ANKMY1: variants seen among roughly 807,000 people sequenced by gnomAD.
ANKMY1 encodes the protein ankyrin repeat and MYND domain containing 1.
ANKMY1 carries 98 observed loss-of-function variants against 102.0 expected under a neutral mutation model. That is an observed-to-expected ratio of 0.96 (90% CI 0.82 to 1.14). The LOEUF (loss-of-function observed/expected upper bound fraction) is 1.14. Among genes scored for constraint, ANKMY1 ranks in the 50% most tolerant of loss-of-function variants. ANKMY1 has a pLI of 0.00. For synonymous variants in ANKMY1, 582 were observed against 559.9 expected, an observed-to-expected ratio of 1.04 and a Z score of -0.56; for missense variants, 1,330 against 1,347.6, an observed-to-expected ratio of 0.99 and a Z score of 0.20.
chr2:240,536,074 T>C (rs1162715724), intron 4 of ANKMY1, among the ~76,000 whole-genome samples: 1 of 152,148 alleles, frequency 6.6e-6, no homozygotes, highest in Admixed American at 6.6e-5. Flanking sequence ...ATCTAGAGCC[T>C]GAACACTAAG....
In ANKMY1 at chr2:240,529,287, C is replaced by T; in HGVS notation, c.703G>A (p.Glu235Lys). ...EEEKTEWGLQEGQDPFFYDYK... is the reference protein window; with the variant it reads ...EEEKTEWGLQKGQDPFFYDYK... ...TCATAGAAAAAGGGATCCTGTCCCT[C>T]CTGCAGTCCCCACTCCGTTTTCTCC... The change falls in exon 5 of 18, where the codon GAG becomes AAG. Residue 235 changes from glutamate to lysine, a missense_variant. Glu to Lys is a moderately conservative substitution (Grantham distance 56). Transcript: ENST00000401804. The surrounding 1 kb of genome is among the most constrained non-coding windows in gnomAD (Gnocchi z 4.2). The T allele has an allele frequency of 6.2e-7, 1 of 1,614,210 alleles. No homozygotes were observed. The highest frequency in any genetic ancestry group is 8.5e-7 in the Non-Finnish European group (1 of 1,180,048).
intron 2 of ANKMY1, among the ~76,000 whole-genome samples, 154 bp downstream of exon 2, chr2:240,557,036 T>C (rs1184089159): frequency 2.0e-5 from 3 of 152,136 alleles, no homozygotes; most frequent in Admixed American, 6.5e-5. Context: ...AGTAGGTTGC[T>C]GACACAGTGT....
the ANKMY1 span, among the ~76,000 whole-genome samples, chr2:240,470,536 T>C: frequency 6.6e-6 from 1 of 152,162 alleles, no homozygotes; most frequent in Non-Finnish European, 1.5e-5. Flanking sequence ...TTCTTTCATA[T>C]GGCCTGGAAA....
At chr2:240,485,170 C>T (rs941083254) in intron 15 of ANKMY1, among the ~76,000 whole-genome samples, 29 of 151,756 alleles carry the variant, frequency 1.9e-4, no homozygotes, top group African/African-American at 6.5e-4. Context: ...CTACTAAAAA[C>T]ACAAAAAATT....
intron 13 of ANKMY1, among the ~76,000 whole-genome samples, chr2:240,502,046 T>C (rs914669578): frequency 1.3e-5 from 2 of 152,156 alleles, no homozygotes; most frequent in Non-Finnish European, 2.9e-5. Flanking sequence ...CAGGAAAAGG[T>C]GGGCAGATGG....
chr2:240,496,305 T>C (rs2077243533), intron 15 of ANKMY1, among the ~76,000 whole-genome samples: 1 of 152,168 alleles, frequency 6.6e-6, no homozygotes, highest in South Asian at 2.1e-4. Context: ...TTTCTCCAAA[T>C]ATTCTTCCTG....
At chr2:240,493,962 A>G (rs976565014) in intron 15 of ANKMY1, among the ~76,000 whole-genome samples, 1 of 152,168 alleles carries the variant, frequency 6.6e-6, no homozygotes, top group Non-Finnish European at 1.5e-5. Flanking sequence ...GGTCCCAAAC[A>G]GTGTGTACTG....
At chr2:240,469,268 G>A in the ANKMY1 span, among the ~76,000 whole-genome samples, 72 of 152,288 alleles carry the variant, frequency 4.7e-4, 1 homozygote, top group Admixed American at 2.5e-3. Context: ...GTGCAGAGCC[G>A]ACACCACGCC....
At chr2:240,486,608 A>T (rs2076089176) in intron 15 of ANKMY1, among the ~76,000 whole-genome samples, 1 of 152,228 alleles carries the variant, frequency 6.6e-6, no homozygotes, top group Non-Finnish European at 1.5e-5. Flanking sequence ...TTTGCAAGTT[A>T]ACTTGCTGGA....
In ANKMY1 at chr2:240,533,014, T is replaced by C. The variant is rs2085813709; in HGVS notation, c.481-3505A>G. Among the ~76,000 whole-genome samples the C allele has an allele frequency of 3.3e-5, 5 of 152,226 alleles. No individual in the cohort carries two copies. In the South Asian group the frequency reaches 8.3e-4, roughly 25 times the overall value. On this transcript the variant is annotated intron_variant, in intron 4 of 17. Coordinates refer to ENST00000401804, the MANE Select transcript of ANKMY1 (RefSeq NM_001282771.3). ...TGGGCCCCCACACCTGGGCCCCTTA[T>C]ATATTTTTAATGGATCCCAGTAGCA... is the stretch of plus-strand genomic sequence containing the variant.
intron 15 of ANKMY1, among the ~76,000 whole-genome samples, chr2:240,493,872 C>A (rs1308070150): frequency 6.6e-6 from 1 of 152,130 alleles, no homozygotes; most frequent in African/African-American, 2.4e-5. Flanking sequence ...AGTAGGTGGG[C>A]AGGCAAATTC....
chr2:240,479,464 G>A lies in ANKMY1; in HGVS notation c.*145C>T. The A allele has an allele frequency of 5.1e-6, 5 of 988,080 alleles. No homozygotes were observed. The highest frequency in any genetic ancestry group is 4.8e-5 in the East Asian group (2 of 41,736). The allele number at this position is 988,080 out of a possible 1,614,324, so 61.2% of individuals were successfully genotyped here. ...CGTGGGGCCAATTTATTGCGAGGTCGCAAGGGAGACACTGCTACAAAGCAT... is the reference window on the plus strand; with the variant it reads ...CGTGGGGCCAATTTATTGCGAGGTCACAAGGGAGACACTGCTACAAAGCAT... On this transcript the variant is annotated 3_prime_UTR_variant, in exon 18 of 18. Transcript: ENST00000401804.
At chr2:240,484,952 T>C (rs1348708326) in intron 15 of ANKMY1, among the ~76,000 whole-genome samples, 3 of 152,194 alleles carry the variant, frequency 2.0e-5, no homozygotes, top group African/African-American at 7.2e-5. Context: ...GAAAAAAAGC[T>C]CATCATCACT....
intron 4 of ANKMY1, among the ~76,000 whole-genome samples, chr2:240,545,371 A>G (rs2090117557): frequency 6.6e-6 from 1 of 152,240 alleles, no homozygotes; most frequent in Admixed American, 6.5e-5. Context: ...CATCACCATC[A>G]TCAAAGACCG....
At chr2:240,553,383 G>A (rs979913814) in intron 3 of ANKMY1, 9 of 331,310 alleles carry the variant, frequency 2.7e-5, no homozygotes, top group Admixed American at 1.7e-4. Flanking sequence ...TAGGTTTGGA[G>A]GGTCCTGTCC....
At chr2:240,560,956 C>A, upstream of ANKMY1, 2 of 1,520,564 alleles carry the variant, frequency 1.3e-6, no homozygotes, top group Admixed American at 2.1e-5. Flanking sequence ...GCCATGGAGG[C>A]CGCGGTGCGC....
chr2:240,544,991 C>T (rs1427548269), intron 4 of ANKMY1, among the ~76,000 whole-genome samples: 1 of 152,262 alleles, frequency 6.6e-6, no homozygotes, highest in African/African-American at 2.4e-5. Context: ...GAAGCTCCAA[C>T]TGGGTGGAGC....
chr2:240,523,395 A>G (rs7594491), intron 8 of ANKMY1: 2 of 166,742 alleles, frequency 1.2e-5, no homozygotes, highest in Admixed American at 5.6e-5. Flanking sequence ...AGGGTTATCA[A>G]GAGAATCATT....
chr2:240,541,646 G>A (rs1191106241), intron 4 of ANKMY1, among the ~76,000 whole-genome samples: 4 of 151,890 alleles, frequency 2.6e-5, no homozygotes, highest in Non-Finnish European at 5.9e-5. Context: ...GGGACTACAG[G>A]TCTGTGCCAT....
Sources: gnomAD v4.1 joint callset for allele counts (sites outside exome capture counted in the v4.1 genomes callset) on GRCh38, gnomAD v4.1.1 for gene constraint, Gnocchi (gnomAD v3.1) non-coding constraint, MANE v1.5 for transcripts, NCBI Gene and HGNC (gene_info 2026-07-23, HGNC 2026-07-21) for gene names.